MAST4: variants seen among roughly 807,000 people sequenced by gnomAD.
MAST4 encodes the protein microtubule associated serine/threonine kinase family member 4, also known as microtubule-associated serine/threonine-protein kinase 4.
Under a neutral mutation model 162.7 loss-of-function variants are expected in MAST4, and 89 were observed. The observed-to-expected ratio is 0.55, with a 90% CI of 0.46 to 0.65. The LOEUF is 0.65. Among genes scored for constraint, MAST4 ranks in the 30% least tolerant of loss-of-function variants. The pLI is 0.00. For synonymous variants in MAST4, 1,479 were observed against 1,361.1 expected (o/e 1.09, Z -1.91); for missense variants, 3,153 against 3,374.0 (o/e 0.93, Z 1.62).
chr5:66,721,737 G>A (rs975296591), intron 1 of MAST4, among the ~76,000 whole-genome samples: 2 of 150,542 alleles, frequency 1.3e-5, no homozygotes, highest in Non-Finnish European at 3.0e-5. Flanking sequence ...CGAATGCCTG[G>A]TAGGTACCTC....
intron 3 of MAST4, among the ~76,000 whole-genome samples, chr5:66,801,318 G>A (rs546442073): frequency 6.6e-6 from 1 of 152,240 alleles, no homozygotes; most frequent in East Asian, 1.9e-4. Context: ...CCTGGGGTAG[G>A]TGATAGGGAG....
intron 3 of MAST4, among the ~76,000 whole-genome samples, chr5:66,891,058 C>A (rs1194842864): frequency 6.6e-6 from 1 of 152,142 alleles, no homozygotes; most frequent in East Asian, 1.9e-4. Flanking sequence ...TAAGCAAAAT[C>A]TGGGATTTTA....
chr5:66,916,032 C>T (rs37566), intron 4 of MAST4, among the ~76,000 whole-genome samples: 53,272 of 152,024 alleles, frequency 0.35, 10,267 homozygotes, highest in Non-Finnish European at 0.45. Flanking sequence ...TCTTGCAATG[C>T]GGCTAGGCCA....
intron 5 of MAST4, among the ~76,000 whole-genome samples, chr5:67,068,805 G>A (rs1225412261): frequency 6.6e-6 from 1 of 151,882 alleles, no homozygotes; most frequent in African/African-American, 2.4e-5. Flanking sequence ...TATTGCTGTG[G>A]TACATTAAAA....
intron 4 of MAST4, among the ~76,000 whole-genome samples, chr5:67,030,785 G>A (rs191689951): frequency 9.2e-5 from 14 of 152,184 alleles, no homozygotes; most frequent in African/African-American, 2.9e-4. Flanking sequence ...CTCTTACAAC[G>A]TCTACTTTTA....
intron 5 of MAST4, among the ~76,000 whole-genome samples, chr5:67,076,313 G>T (rs948405295): frequency 6.6e-6 from 1 of 152,118 alleles, no homozygotes; most frequent in Non-Finnish European, 1.5e-5. Context: ...CTTTTACCAA[G>T]GTCCTCTCTT....
intron 4 of MAST4, among the ~76,000 whole-genome samples, chr5:67,011,135 A>G (rs1322729443): frequency 1.3e-5 from 2 of 152,054 alleles, no homozygotes; most frequent in Non-Finnish European, 2.9e-5. Context: ...TGACATGTTT[A>G]GGTTTGGAGT....
chr5:67,116,436 C>A (rs975712091), intron 12 of MAST4, among the ~76,000 whole-genome samples: 1 of 150,704 alleles, frequency 6.6e-6, no homozygotes, highest in Non-Finnish European at 1.5e-5. Flanking sequence ...GAACTCCTAA[C>A]CTCAGGTGAT....
chr5:66,997,962 A>G (rs757716040), intron 4 of MAST4, among the ~76,000 whole-genome samples: 2 of 152,370 alleles, frequency 1.3e-5, no homozygotes, highest in Non-Finnish European at 2.9e-5. Context: ...TCCGATTGTT[A>G]CAGAAGCATG....
chr5:66,779,416 T>A (rs1022642213), intron 2 of MAST4, among the ~76,000 whole-genome samples: 2 of 143,332 alleles, frequency 1.4e-5, no homozygotes, highest in Non-Finnish European at 3.1e-5. Context: ...TTTTTTTTTT[T>A]AAGGCTAGAA....
chr5:66,909,535 A>G (rs2150008589), intron 4 of MAST4, among the ~76,000 whole-genome samples: 1 of 152,324 alleles, frequency 6.6e-6, no homozygotes, highest in Middle Eastern at 3.4e-3. Context: ...TTTCGTAAAC[A>G]AGGAACCAAT....
intron 3 of MAST4, among the ~76,000 whole-genome samples, chr5:66,846,347 G>T (rs867334336): frequency 1.6e-4 from 25 of 152,272 alleles, no homozygotes; most frequent in Non-Finnish European, 8.8e-5. Context: ...TAGAAAAATT[G>T]TGATGAGTTC....
chr5:66,845,733 G>A (rs536902415), intron 3 of MAST4, among the ~76,000 whole-genome samples: 20 of 152,234 alleles, frequency 1.3e-4, no homozygotes, highest in East Asian at 5.8e-4. Flanking sequence ...GCTACCAACC[G>A]TGTAAAAGCG....
intron 5 of MAST4, among the ~76,000 whole-genome samples, chr5:67,073,507 T>G (rs958035265): frequency 6.6e-6 from 1 of 152,182 alleles, no homozygotes; most frequent in African/African-American, 2.4e-5. Flanking sequence ...AGAAGATAAC[T>G]GGAGGCCATA....
chr5:67,078,885 T>A (rs1561621614), intron 5 of MAST4, among the ~76,000 whole-genome samples: 10 of 92,502 alleles, frequency 1.1e-4, no homozygotes, highest in African/African-American at 3.8e-4. Flanking sequence ...TATAAATATA[T>A]TTATATATTT....
At chr5:67,076,704 A>T (rs1761692743) in intron 5 of MAST4, among the ~76,000 whole-genome samples, 1 of 152,168 alleles carries the variant, frequency 6.6e-6, no homozygotes, top group South Asian at 2.1e-4. Context: ...ACCTCCATCA[A>T]ATCTCTCTCA....
intron 3 of MAST4, among the ~76,000 whole-genome samples, chr5:66,897,847 TC>T (rs1470607017): frequency 1.8e-4 from 27 of 152,284 alleles, no homozygotes; most frequent in African/African-American, 6.3e-4. Context: ...TTGGTTTTTA[TC>T]CCTTATCTTG....
At chr5:67,086,380 TTTAA>T (rs1459251582) in intron 5 of MAST4, among the ~76,000 whole-genome samples, 2 of 152,184 alleles carry the variant, frequency 1.3e-5, no homozygotes, top group Non-Finnish European at 2.9e-5. Flanking sequence ...AATCAAACAA[TTTAA>T]TTAATCTGGA....
intron 4 of MAST4, among the ~76,000 whole-genome samples, chr5:66,900,553 A>AT (rs1490666193): frequency 1.3e-5 from 2 of 151,960 alleles, no homozygotes; most frequent in Non-Finnish European, 2.9e-5. Context: ...ATAAATCATA[A>AT]TTTTTTCCGT....
Sources: gnomAD v4.1 joint callset for allele counts (sites outside exome capture counted in the v4.1 genomes callset) on GRCh38, gnomAD v4.1.1 for gene constraint, MANE v1.5 for transcripts, NCBI Gene and HGNC (gene_info 2026-07-23, HGNC 2026-07-21) for gene names.